The following NXPH1 variants were observed in gnomAD, a reference collection of about 807,000 sequenced individuals.
The protein encoded by NXPH1 is neurexophilin 1, also known as neurexophilin-1.
In NXPH1, 5 loss-of-function variants were observed where a neutral mutation model predicts 23.7. The observed-to-expected ratio is 0.21, with a 90% confidence interval of 0.11 to 0.44. NXPH1 has a LOEUF of 0.44. Among genes scored for constraint, NXPH1 ranks in the 20% least tolerant of loss-of-function variants. The probability of loss-of-function intolerance (pLI) is 0.99; values close to 1 mark genes in which losing one functional copy is unlikely to be tolerated. For synonymous variants in NXPH1, 144 were observed against 122.2 expected (o/e 1.18, Z -1.18); for missense variants, 324 against 321.6 (o/e 1.01, Z -0.06).
chr7:8,716,726 TA>T (rs560458366), intron 2 of NXPH1, among the ~76,000 whole-genome samples: 5 of 152,172 alleles, frequency 3.3e-5, no homozygotes, highest in Non-Finnish European at 5.9e-5. Context: ...GTACATGATT[TA>T]AAAAAACCTG....
At chr7:8,667,571 C>G (rs192838091) in intron 2 of NXPH1, among the ~76,000 whole-genome samples, 20 of 151,688 alleles carry the variant, frequency 1.3e-4, no homozygotes, top group Admixed American at 4.6e-4. Flanking sequence ...GATTGGAACT[C>G]TCATATATGT....
chr7:8,511,190 G>A (rs1284255999), intron 2 of NXPH1, among the ~76,000 whole-genome samples: 2 of 152,090 alleles, frequency 1.3e-5, no homozygotes, highest in Admixed American at 6.6e-5. Context: ...CTAACCCTTA[G>A]TGATAACAGG....
chr7:8,479,437 G>C (rs1471846108), intron 2 of NXPH1, among the ~76,000 whole-genome samples: 1 of 152,036 alleles, frequency 6.6e-6, no homozygotes. Context: ...ATTCGGAAAG[G>C]GCTGTATTCT....
At chr7:8,475,421 T>A (rs138244626) in intron 2 of NXPH1, among the ~76,000 whole-genome samples, 2 of 152,236 alleles carry the variant, frequency 1.3e-5, no homozygotes, top group African/African-American at 4.8e-5. Context: ...ATTAGGTATG[T>A]GAGGGAAAAT....
At chr7:8,654,009 C>T (rs1357224380) in intron 2 of NXPH1, among the ~76,000 whole-genome samples, 1 of 152,114 alleles carries the variant, frequency 6.6e-6, no homozygotes, top group African/African-American at 2.4e-5. Context: ...ATTAATTGGG[C>T]TTTCATTGTA....
chr7:8,567,281 T>C (rs923561952), intron 2 of NXPH1, among the ~76,000 whole-genome samples: 2 of 151,954 alleles, frequency 1.3e-5, no homozygotes, highest in African/African-American at 4.8e-5. Context: ...CTTTCAAAGA[T>C]CACTTGCTAA....
intron 2 of NXPH1, among the ~76,000 whole-genome samples, chr7:8,604,592 C>G (rs7802203): frequency 0.36 from 54,534 of 151,836 alleles, 10,859 homozygotes; most frequent in African/African-American, 0.54. Flanking sequence ...TTCAGTCAAA[C>G]TTTGAGCTTC....
intron 2 of NXPH1, among the ~76,000 whole-genome samples, chr7:8,478,378 C>T (rs1372089019): frequency 1.3e-5 from 2 of 151,622 alleles, no homozygotes; most frequent in Non-Finnish European, 2.9e-5. Flanking sequence ...ACTCCAGAAA[C>T]AATCAGAAAT....
intron 2 of NXPH1, among the ~76,000 whole-genome samples, chr7:8,691,947 G>A (rs1395144250): frequency 3.9e-5 from 6 of 152,070 alleles, no homozygotes; most frequent in Admixed American, 1.3e-4. Context: ...TGACTGTTAA[G>A]CTAATGTCTG....
At chr7:8,700,219 G>T (rs1779601173) in intron 2 of NXPH1, among the ~76,000 whole-genome samples, 1 of 152,154 alleles carries the variant, frequency 6.6e-6, no homozygotes, top group South Asian at 2.1e-4. Context: ...TATTTAACAA[G>T]CATAATGTTG....
intron 2 of NXPH1, among the ~76,000 whole-genome samples, chr7:8,496,610 A>G (rs1390785425): frequency 6.6e-6 from 1 of 152,014 alleles, no homozygotes; most frequent in Non-Finnish European, 1.5e-5. Context: ...CAGACAGGCT[A>G]CAGTAGCATC....
intron 2 of NXPH1, among the ~76,000 whole-genome samples, chr7:8,601,059 A>G (rs1819348659): frequency 6.6e-6 from 1 of 152,170 alleles, no homozygotes; most frequent in Non-Finnish European, 1.5e-5. Flanking sequence ...TTATATGCAG[A>G]TATTATGACA....
rs768326147 is a variant in NXPH1, at chr7:8,751,135, A to G, written c.182A>G (p.Gln61Arg). 5 of 1,613,740 alleles carry G rather than the reference A, an allele frequency of 3.1e-6. No homozygotes were observed. In the Admixed American group the frequency reaches 6.7e-5, roughly 22 times the overall value. ...TTGTCTATCAGCCGACTCCTGTCACAGACTTTTCGTGGCAAAGAGAATGAT... is the reference window on the plus strand; with the variant it reads ...TTGTCTATCAGCCGACTCCTGTCACGGACTTTTCGTGGCAAAGAGAATGAT... ...KDLSISRLLSQTFRGKENDTD... is the reference protein window; with the variant it reads ...KDLSISRLLSRTFRGKENDTD... The change falls in exon 3 of 3, where the codon CAG becomes CGG. Residue 61 changes from glutamine to arginine, a missense_variant. Transcript: ENST00000405863. The surrounding 1 kb of genome is among the most constrained non-coding windows in gnomAD (Gnocchi z 4.5).
At chr7:8,465,677 T>A (rs1294696889) in intron 2 of NXPH1, among the ~76,000 whole-genome samples, 1 of 152,226 alleles carries the variant, frequency 6.6e-6, no homozygotes, top group African/African-American at 2.4e-5. Context: ...CTCTCCCTGG[T>A]GGCACTTACA....
At chr7:8,557,083 T>C (rs1584230348) in intron 2 of NXPH1, among the ~76,000 whole-genome samples, 1 of 151,698 alleles carries the variant, frequency 6.6e-6, no homozygotes, top group Non-Finnish European at 1.5e-5. Context: ...GAATGAGACA[T>C]TGTAATGTAG....
chr7:8,582,000 G>T (rs1481404127), intron 2 of NXPH1, among the ~76,000 whole-genome samples: 1 of 152,188 alleles, frequency 6.6e-6, no homozygotes, highest in Non-Finnish European at 1.5e-5. Flanking sequence ...GGGTGTGTGG[G>T]TGAGCAAGTG....
chr7:8,493,224 T>C (rs1407261341), intron 2 of NXPH1, among the ~76,000 whole-genome samples: 1 of 152,012 alleles, frequency 6.6e-6, no homozygotes, highest in Non-Finnish European at 1.5e-5. Context: ...CAATGGTTAG[T>C]TCACCTGAAG....
intron 2 of NXPH1, among the ~76,000 whole-genome samples, chr7:8,492,763 C>T (rs2128611422): frequency 6.6e-6 from 1 of 152,092 alleles, no homozygotes; most frequent in East Asian, 1.9e-4. Context: ...GTGGAGGGAG[C>T]ACTTAGAACT....
At chr7:8,714,147 C>G (rs533054609) in intron 2 of NXPH1, among the ~76,000 whole-genome samples, 1 of 152,196 alleles carries the variant, frequency 6.6e-6, no homozygotes, top group African/African-American at 2.4e-5. Context: ...ACTGAAACCA[C>G]TACACAAAGT....
Sources: allele counts gnomAD v4.1 joint callset (sites outside exome capture counted in the v4.1 genomes callset), GRCh38; gene constraint gnomAD v4.1.1; non-coding constraint Gnocchi (gnomAD v3.1); transcripts MANE v1.5; gene names NCBI Gene and HGNC (gene_info 2026-07-23, HGNC 2026-07-21).